OXNAD1: variants seen among roughly 807,000 people sequenced by gnomAD.
OXNAD1 encodes the protein oxidoreductase NAD binding domain containing 1, also known as oxidoreductase NAD-binding domain-containing protein 1.
OXNAD1 carries 34 observed loss-of-function variants against 32.9 expected under a neutral mutation model. The ratio of observed to expected loss-of-function variants is 1.03; its 90% CI spans 0.79 to 1.38. The LOEUF (loss-of-function observed/expected upper bound fraction) is 1.38. Among genes scored for constraint, OXNAD1 ranks in the 40% most tolerant of loss-of-function variants. OXNAD1 has a pLI of 0.00. For synonymous variants in OXNAD1, 134 were observed against 135.2 expected (o/e 0.99, Z 0.06); for missense variants, 407 against 379.4 (o/e 1.07, Z -0.60).
rs2066670806 is a variant in OXNAD1 at position 16,294,922 on chromosome 3, G to GCT, written c.358_359dup (p.Glu121Ter). 6.2e-7 allele frequency: 1 copy of GCT among 1,613,488 alleles called. No individual in the cohort carries two copies. Among genetic ancestry groups the GCT allele is most frequent in the African/African-American group, 1.3e-5 (1 of 74,950 alleles). On this transcript the variant is annotated frameshift_variant, in exon 6 of 9. Coordinates refer to ENST00000285083, the MANE Select transcript of OXNAD1 (RefSeq NM_138381.5). LOFTEE classifies it high-confidence loss of function. The stretch of plus-strand genomic sequence containing the variant: ...TTTCAATATGCTCCAGTCCCAGACT[G>GCT]CTAGAACAAGAGAGAGTGATAGAAT...
intron 4 of OXNAD1, chr3:16,275,657 G>A (rs1253092911): frequency 5.7e-6 from 1 of 176,754 alleles, no homozygotes; most frequent in African/African-American, 2.4e-5. Context: ...CATTTCCCTG[G>A]TTTCTTTTTG....
downstream of OXNAD1, among the ~76,000 whole-genome samples, chr3:16,340,404 A>G (rs886876384): frequency 1.5e-4 from 23 of 152,268 alleles, 1 homozygote; most frequent in Admixed American, 1.5e-3. Flanking sequence ...CAACTGCCAG[A>G]CATATGAATG....
chr3:16,310,487 T>C (rs76657252), downstream of OXNAD1, among the ~76,000 whole-genome samples: 319 of 152,326 alleles, frequency 2.1e-3, 2 homozygotes, highest in African/African-American at 7.4e-3. Flanking sequence ...ACTTAATGAC[T>C]AGTGAGCAAC....
rs750550147 is a variant in OXNAD1, at chr3:16,301,581, A to G, written c.433-45A>G. ...ATTAAAGTAGAACATTTGGTTTAAG[A>G]CCTTTGCTACAAAAGACTAAAAGGT... On this transcript the variant is annotated intron_variant, in intron 6 of 8. Transcript: ENST00000285083. The surrounding 1 kb of genome is among the most constrained non-coding windows in gnomAD (Gnocchi z 4.1). 58 of 1,606,856 alleles carry G rather than the reference A, an allele frequency of 3.6e-5. No individual in the cohort carries two copies. Among genetic ancestry groups the G allele is most frequent in the Non-Finnish European group, 4.8e-5 (57 of 1,175,586 alleles).
intron 9 of OXNAD1, chr3:16,326,991 G>C: frequency 1.4e-6 from 1 of 718,888 alleles, no homozygotes; most frequent in Non-Finnish European, 2.3e-6. Context: ...GGCGGTGCCC[G>C]GCCACTCAGA....
At chr3:16,293,526 A>T (rs955988162) in intron 5 of OXNAD1, among the ~76,000 whole-genome samples, 1 of 152,224 alleles carries the variant, frequency 6.6e-6, no homozygotes, top group Non-Finnish European at 1.5e-5. Flanking sequence ...CTTTGGCTAG[A>T]ACCTCTAGGA....
Position 16,344,846 on chromosome 3 carries a change from A to C in OXNAD1, c.*31-4330A>C, listed in dbSNP as rs2071534818. Among the ~76,000 whole-genome samples the C allele has an allele frequency of 6.6e-6, 1 of 152,238 alleles. No homozygotes were observed. The highest frequency in any genetic ancestry group is 1.5e-5 in the Non-Finnish European group (1 of 68,044). ...CAAAGAACATATTTCAAGGAGTGGT[A>C]GTGAGTGAACACATAACTACAAGAA... On this transcript the variant is annotated intron_variant, in intron 9 of 9. Transcript: ENST00000606098. This position sits in a 1 kb window ranked among gnomAD's most constrained non-coding sequence, Gnocchi z 4.4.
chr3:16,321,830 C>A lies in OXNAD1; in HGVS notation c.*31-15282C>A, dbSNP rs1393108082. On this transcript the variant is annotated intron_variant, in intron 9 of 9. Transcript: ENST00000435829. This position sits in a 1 kb window ranked among gnomAD's most constrained non-coding sequence, Gnocchi z 4.8. Reference sequence around the variant, plus strand: ...GAGGAGAGTCAGTTCAACCTTATTACAGCAGCTTTTACAAATCTATCTCTA... The same window carrying A: ...GAGGAGAGTCAGTTCAACCTTATTAAAGCAGCTTTTACAAATCTATCTCTA... Among the ~76,000 whole-genome samples, 1 of 152,202 alleles carries A rather than the reference C, an allele frequency of 6.6e-6. No homozygotes were observed. Among genetic ancestry groups the A allele is most frequent in the South Asian group, 2.1e-4 (1 of 4,834 alleles).
downstream of OXNAD1, among the ~76,000 whole-genome samples, chr3:16,309,379 C>A (rs1204073032): frequency 1.3e-5 from 2 of 152,190 alleles, no homozygotes; most frequent in African/African-American, 2.4e-5. Flanking sequence ...TATATTCTAA[C>A]AGGGTATGAA....
In OXNAD1 at chr3:16,344,925, G is replaced by T. The variant is rs1333744124; in HGVS notation, c.*31-4251G>T. Among the ~76,000 whole-genome samples, 1 of 152,156 alleles carries T rather than the reference G, an allele frequency of 6.6e-6. No homozygotes were observed. The highest frequency in any genetic ancestry group is 2.4e-5 in the African/African-American group (1 of 41,428). On this transcript the variant is annotated intron_variant, in intron 9 of 9. Transcript: ENST00000606098. This position sits in a 1 kb window ranked among gnomAD's most constrained non-coding sequence, Gnocchi z 4.4. ...TTAATATACTTCAGTTCTCTCTGGA[G>T]AACCATTTGCCCTCTCTTCATCTGT... is the stretch of plus-strand genomic sequence containing the variant.
rs745721624 is a variant in OXNAD1 at position 16,286,404 on chromosome 3, CT to C, written c.248del (p.Leu83CysfsTer38). On this transcript the variant is annotated frameshift_variant, in exon 5 of 9. Coordinates refer to ENST00000285083, the MANE Select transcript of OXNAD1 (RefSeq NM_138381.5). LOFTEE classifies it high-confidence loss of function. ...AGTCACCGTCAGTGAAGAGCCTCCG[CT>C]TGCTTGTTGCTGATCAAGACTTTTC... ...SESPSVKSLR[L>X]LVADQDFSFK... 3.7e-6 allele frequency: 6 copies of C among 1,613,946 alleles called. No homozygotes were observed. The highest frequency in any genetic ancestry group is 1.7e-5 in the Admixed American group (1 of 60,012).
At chr3:16,308,126 CTATT>C, downstream of OXNAD1, among the ~76,000 whole-genome samples, 1 of 152,256 alleles carries the variant, frequency 6.6e-6, no homozygotes, top group African/African-American at 2.4e-5. This position sits in a 1 kb window ranked among gnomAD's most constrained non-coding sequence, Gnocchi z 4.4. Flanking sequence ...CTTTGGGAAA[CTATT>C]TTTTTGTAAG....
chr3:16,269,413 T>G, intron 2 of OXNAD1, 138 bp downstream of exon 2: 3 of 820,134 alleles, frequency 3.7e-6, no homozygotes. Context: ...AAGAGAAAAA[T>G]AGCAAGTAGC....
At chr3:16,274,169 A>T (rs980715341) in intron 4 of OXNAD1, among the ~76,000 whole-genome samples, 102 of 29,488 alleles carry the variant, frequency 3.5e-3, no homozygotes, top group African/African-American at 0.019. Context: ...ACTATCACTA[A>T]AAAAAAAAAA....
rs368902264 is a variant in OXNAD1 at position 16,316,996 on chromosome 3, A to C, written c.*30+13404A>C. 2.5e-6 allele frequency: 4 copies of C among 1,613,252 alleles called. No homozygotes were observed. Among genetic ancestry groups the C allele is most frequent in the Non-Finnish European group, 2.5e-6 (3 of 1,179,772 alleles). ...CCACACCCACCCCACACAGCAGGCC[A>C]CCAGGGGACAGCTGTTCTCCCTTGT... On this transcript the variant is annotated intron_variant, in intron 9 of 9. Transcript: ENST00000435829. The surrounding 1 kb of genome is among the most constrained non-coding windows in gnomAD (Gnocchi z 4.5).
intron 4 of OXNAD1, among the ~76,000 whole-genome samples, chr3:16,283,614 T>C (rs772268907): frequency 1.2e-4 from 18 of 152,092 alleles, no homozygotes; most frequent in Non-Finnish European, 1.9e-4. Flanking sequence ...TGATGTCAGT[T>C]TGTGATTGGC....
downstream of OXNAD1, among the ~76,000 whole-genome samples, chr3:16,337,930 G>T (rs1415368313): frequency 6.6e-6 from 1 of 152,098 alleles, no homozygotes; most frequent in Non-Finnish European, 1.5e-5. This position sits in a 1 kb window ranked among gnomAD's most constrained non-coding sequence, Gnocchi z 5.0. Context: ...TCTAATTTAT[G>T]ATAACCTACT....
downstream of OXNAD1, among the ~76,000 whole-genome samples, chr3:16,308,921 ATTG>A (rs2067761806): frequency 6.6e-6 from 1 of 152,146 alleles, no homozygotes; most frequent in Middle Eastern, 3.4e-3. The surrounding 1 kb of genome is among the most constrained non-coding windows in gnomAD (Gnocchi z 4.4). Context: ...ATGACCAAAA[ATTG>A]TTAAATAATT....
At chr3:16,295,024 A>G (rs1168529398) in intron 6 of OXNAD1, 27 bp downstream of exon 6, 3 of 1,586,500 alleles carry the variant, frequency 1.9e-6, no homozygotes, top group African/African-American at 1.4e-5. Context: ...TTTAAACGCG[A>G]TGATCTGGGT....
Sources: gnomAD v4.1 joint callset for allele counts (sites outside exome capture counted in the v4.1 genomes callset) on GRCh38, gnomAD v4.1.1 for gene constraint, Gnocchi (gnomAD v3.1) non-coding constraint, MANE v1.5 for transcripts, NCBI Gene and HGNC (gene_info 2026-07-23, HGNC 2026-07-21) for gene names.